Variants in CSMD2 observed in about 807,000 individuals in gnomAD.
The protein encoded by CSMD2 is CUB and Sushi multiple domains 2, also known as CUB and sushi domain-containing protein 2.
CSMD2 carries 130 observed loss-of-function variants against 398.5 expected under a neutral mutation model. The ratio of observed to expected loss-of-function variants is 0.33; its 90% CI spans 0.28 to 0.38. The LOEUF is 0.38. CSMD2 is among the 10% of genes least tolerant of loss of function. The pLI is 1.00. For missense variants in CSMD2, 3,829 were observed against 4,764.9 expected, an observed-to-expected ratio of 0.80 and a Z score of 5.78; for synonymous variants, 1,828 against 1,908.5, an observed-to-expected ratio of 0.96 and a Z score of 1.10.
At chr1:33,687,185 G>A (rs995472483) in intron 25 of CSMD2, among the ~76,000 whole-genome samples, 9 of 152,144 alleles carry the variant, frequency 5.9e-5, no homozygotes, top group Non-Finnish European at 1.0e-4. Flanking sequence ...AAACTCATGG[G>A]ACATAAAGAA....
rs1001063010 is a variant in CSMD2, at chr1:33,624,333, G to A, written c.5625+186C>T. Among the ~76,000 whole-genome samples the A allele has an allele frequency of 1.3e-5, 2 of 152,138 alleles. No individual in the cohort carries two copies. Among genetic ancestry groups the A allele is most frequent in the Non-Finnish European group, 2.9e-5 (2 of 68,022 alleles). ...GGAACCTGCTGTGTTTTCTGCATGG[G>A]AGCCACATCTCCACACTTGGACTGA... On this transcript the variant is annotated intron_variant, in intron 35 of 70. Transcript: ENST00000373381. The surrounding 1 kb of genome is among the most constrained non-coding windows in gnomAD (Gnocchi z 4.7).
intron 25 of CSMD2, among the ~76,000 whole-genome samples, chr1:33,681,461 G>T (rs1644905813): frequency 1.3e-5 from 2 of 151,976 alleles, no homozygotes; most frequent in Non-Finnish European, 2.9e-5. Flanking sequence ...ATCTTAAAAA[G>T]GTTTCACCTT....
chr1:33,889,126 A>G (rs1231943766), intron 5 of CSMD2, among the ~76,000 whole-genome samples: 3 of 152,236 alleles, frequency 2.0e-5, no homozygotes, highest in African/African-American at 7.2e-5. Flanking sequence ...GTGAGAGACA[A>G]CAAAGTAAGG....
intron 4 of CSMD2, among the ~76,000 whole-genome samples, chr1:33,922,782 C>G (rs1274261915): frequency 6.6e-6 from 1 of 152,136 alleles, no homozygotes; most frequent in Non-Finnish European, 1.5e-5. Context: ...GCTGTCAATC[C>G]TGTCCCCCGC....
intron 5 of CSMD2, among the ~76,000 whole-genome samples, chr1:33,894,627 A>T (rs2125218138): frequency 6.6e-6 from 1 of 152,194 alleles, no homozygotes; most frequent in African/African-American, 2.4e-5. Flanking sequence ...TTTATTAGCT[A>T]CAGTCTCTTC....
chr1:33,819,887 C>G (rs1485021864), intron 8 of CSMD2, 50 bp from the exon 9 acceptor site: 1 of 1,608,704 alleles, frequency 6.2e-7, no homozygotes, highest in Admixed American at 1.7e-5. Context: ...CTGCCAAGCC[C>G]CGCCCCAAGT....
At chr1:33,830,431 C>T (rs1401517093) in intron 6 of CSMD2, among the ~76,000 whole-genome samples, 1 of 152,242 alleles carries the variant, frequency 6.6e-6, no homozygotes, top group South Asian at 2.1e-4. Flanking sequence ...CAAACTCCAA[C>T]AGACTTGCAG....
chr1:33,733,193 A>C (rs1408731481), intron 15 of CSMD2, among the ~76,000 whole-genome samples: 3 of 152,082 alleles, frequency 2.0e-5, no homozygotes, highest in Admixed American at 6.5e-5. Flanking sequence ...CTTTCCTCTG[A>C]CCAGAGTGCC....
chr1:33,813,564 G>T (rs2124971960), intron 9 of CSMD2, among the ~76,000 whole-genome samples: 1 of 152,226 alleles, frequency 6.6e-6, no homozygotes, highest in East Asian at 1.9e-4. Flanking sequence ...ACTTCCCTGA[G>T]ATCTTCCATG....
At chr1:33,694,718 G>C (rs892129058) in intron 24 of CSMD2, among the ~76,000 whole-genome samples, 2 of 152,194 alleles carry the variant, frequency 1.3e-5, no homozygotes, top group Admixed American at 6.5e-5. Flanking sequence ...CTTTACAGCA[G>C]TGTGAGAACA....
At position 33,883,878 on chromosome 1, in the gene CSMD2, A is replaced by T. The variant is rs60437248; in HGVS notation, c.920+34216T>A. On this transcript the variant is annotated intron_variant, in intron 5 of 70. Transcript: ENST00000373381. ...AATGAAGACCAGGGCTCTTCAATAT[A>T]ACTTAGAAGGAGTTAGAAGGAGAGG... Among the ~76,000 whole-genome samples, 854 of 152,308 alleles carry T rather than the reference A, an allele frequency of 5.6e-3. 10 individuals are homozygous for T. Among genetic ancestry groups the T allele is most frequent in the African/African-American group, 0.02 (827 of 41,576 alleles).
At chr1:33,724,773 A>C in intron 17 of CSMD2, 69 bp from the exon 18 acceptor site, 1 of 1,416,678 alleles carries the variant, frequency 7.1e-7, no homozygotes, top group South Asian at 1.3e-5. Context: ...AGTTGACTCC[A>C]AAGAGTAAGA....
chr1:33,576,454 G>A (rs1025751472), intron 49 of CSMD2, among the ~76,000 whole-genome samples: 2 of 152,172 alleles, frequency 1.3e-5, no homozygotes, highest in Admixed American at 1.3e-4. Flanking sequence ...AGCCAGGCAT[G>A]GTGGCGGGTG....
chr1:34,105,272 A>G (rs551470153), intron 1 of CSMD2, among the ~76,000 whole-genome samples: 6 of 152,298 alleles, frequency 3.9e-5, no homozygotes, highest in African/African-American at 1.4e-4. Context: ...CTGTACATAT[A>G]GGATGTTTAG....
At chr1:33,555,457 G>A (rs911389307) in intron 55 of CSMD2, among the ~76,000 whole-genome samples, 1 of 152,192 alleles carries the variant, frequency 6.6e-6, no homozygotes, top group African/African-American at 2.4e-5. Context: ...TGATAAAGTG[G>A]CAGCAGGATT....
chr1:34,067,128 G>C (rs992924622), intron 2 of CSMD2, among the ~76,000 whole-genome samples: 3 of 152,158 alleles, frequency 2.0e-5, no homozygotes, highest in African/African-American at 7.2e-5. Flanking sequence ...CCAGATACAA[G>C]CTCCCTCATA....
chr1:34,068,309 G>C (rs142670410), intron 2 of CSMD2, among the ~76,000 whole-genome samples: 1 of 152,330 alleles, frequency 6.6e-6, no homozygotes, highest in African/African-American at 2.4e-5. Context: ...GGTATGGGTA[G>C]CAAGGGATAT....
chr1:33,759,427 G>T (rs886665648), intron 13 of CSMD2, among the ~76,000 whole-genome samples: 1 of 145,730 alleles, frequency 6.9e-6, no homozygotes, highest in Non-Finnish European at 1.5e-5. Flanking sequence ...CCGGGTTCAC[G>T]CCATTCTCCT....
At chr1:33,843,998 C>T (rs1661114156) in intron 6 of CSMD2, among the ~76,000 whole-genome samples, 1 of 152,204 alleles carries the variant, frequency 6.6e-6, no homozygotes, top group Admixed American at 6.5e-5. Flanking sequence ...CTCACCATCT[C>T]TTGCGGGCTC....
Sources: allele counts gnomAD v4.1 joint callset (sites outside exome capture counted in the v4.1 genomes callset), GRCh38; gene constraint gnomAD v4.1.1; non-coding constraint Gnocchi (gnomAD v3.1); transcripts MANE v1.5; gene names NCBI Gene and HGNC (gene_info 2026-07-23, HGNC 2026-07-21).